Variants in TASP1 observed in about 807,000 individuals in gnomAD.
TASP1 encodes the protein threonine aspartase 1.
In TASP1, 16 loss-of-function variants were observed where a neutral mutation model predicts 56.6. That is an observed-to-expected ratio of 0.28 (90% CI 0.19 to 0.43). TASP1 has a LOEUF of 0.43. Ranked by LOEUF, TASP1 falls within the 20% of genes least tolerant of loss-of-function variation. The pLI, the probability that TASP1 is intolerant of heterozygous loss-of-function variation, is 1.00. For synonymous variants in TASP1, 179 were observed against 184.2 expected (o/e 0.97, Z 0.23); for missense variants, 393 against 511.6 (o/e 0.77, Z 2.24).
chr20:13,562,915 ATGTGTGTGTG>A (rs199844282), intron 7 of TASP1, among the ~76,000 whole-genome samples: 17 of 128,678 alleles, frequency 1.3e-4, no homozygotes, highest in African/African-American at 3.3e-4. Flanking sequence ...ACATATATAT[ATGTGTGTGTG>A]TGTGTGTGTG....
the TASP1 span, among the ~76,000 whole-genome samples, chr20:13,181,021 G>T: frequency 6.6e-6 from 1 of 152,164 alleles, no homozygotes; most frequent in Non-Finnish European, 1.5e-5. Flanking sequence ...CCACCTTGGA[G>T]GTTACCTGTA....
the TASP1 span, among the ~76,000 whole-genome samples, chr20:13,283,905 G>C: frequency 6.6e-6 from 1 of 152,096 alleles, no homozygotes; most frequent in Non-Finnish European, 1.5e-5. Context: ...CCACGTAAGA[G>C]CGTATCTTAA....
the TASP1 span, among the ~76,000 whole-genome samples, chr20:13,309,747 A>G: frequency 2.6e-5 from 4 of 152,208 alleles, no homozygotes; most frequent in Non-Finnish European, 5.9e-5. Context: ...AATTCAGTAA[A>G]GTCATAGGAT....
intron 11 of TASP1, among the ~76,000 whole-genome samples, chr20:13,443,955 C>T (rs925293569): frequency 6.6e-6 from 1 of 152,180 alleles, no homozygotes; most frequent in Non-Finnish European, 1.5e-5. Context: ...GTCCACAACA[C>T]ACAAATGGAC....
intron 13 of TASP1, among the ~76,000 whole-genome samples, chr20:13,401,388 C>T (rs2041732985): frequency 6.6e-6 from 1 of 152,120 alleles, no homozygotes. Context: ...TACCCTAAAG[C>T]TCAACATGCA....
the TASP1 span, among the ~76,000 whole-genome samples, chr20:13,157,630 T>C: frequency 6.6e-6 from 1 of 152,040 alleles, no homozygotes; most frequent in African/African-American, 2.4e-5. Context: ...AATGTCATCA[T>C]TGGTGATTCA....
chr20:13,631,712 T>G (rs1247048780), intron 1 of TASP1, among the ~76,000 whole-genome samples: 2 of 152,228 alleles, frequency 1.3e-5, no homozygotes, highest in Non-Finnish European at 2.9e-5. Context: ...TCAAGCAACT[T>G]TGAATCACTG....
At chr20:13,435,991 T>C (rs1010180743) in intron 11 of TASP1, among the ~76,000 whole-genome samples, 3 of 152,084 alleles carry the variant, frequency 2.0e-5, no homozygotes, top group African/African-American at 7.2e-5. Flanking sequence ...AAAGAAGCCA[T>C]AGCCCAATAA....
At chr20:13,412,568 A>G (rs906069142) in intron 13 of TASP1, among the ~76,000 whole-genome samples, 4 of 152,150 alleles carry the variant, frequency 2.6e-5, no homozygotes, top group African/African-American at 9.7e-5. Context: ...CCTTGTGTAC[A>G]TCATGTTTTA....
intron 13 of TASP1, among the ~76,000 whole-genome samples, chr20:13,398,617 T>A (rs2041630751): frequency 6.6e-6 from 1 of 152,234 alleles, no homozygotes; most frequent in South Asian, 2.1e-4. Flanking sequence ...ACTTTCCTTT[T>A]ATTTTACTCC....
chr20:13,458,504 T>C (rs1041582148), intron 11 of TASP1, among the ~76,000 whole-genome samples: 4 of 151,842 alleles, frequency 2.6e-5, no homozygotes, highest in Admixed American at 6.6e-5. Context: ...CCCCCCACCA[T>C]GCCCAGCTAA....
chr20:13,247,517 G>GGTGTGTGTGT, the TASP1 span, among the ~76,000 whole-genome samples: 28 of 139,912 alleles, frequency 2.0e-4, no homozygotes, highest in African/African-American at 5.6e-4. Context: ...CAAAGTGAGG[G>GGTGTGTGTGT]GTGTGTGTGT....
At chr20:13,163,021 AT>A in the TASP1 span, among the ~76,000 whole-genome samples, 13 of 152,186 alleles carry the variant, frequency 8.5e-5, no homozygotes, top group Non-Finnish European at 1.6e-4. Context: ...ATACCAATAT[AT>A]TACGTACATT....
At chr20:13,246,601 C>T in the TASP1 span, among the ~76,000 whole-genome samples, 5 of 152,174 alleles carry the variant, frequency 3.3e-5, no homozygotes, top group East Asian at 1.9e-4. Context: ...AGAGCAGATA[C>T]GTGTTTTTTC....
At chr20:13,282,580 T>C in the TASP1 span, among the ~76,000 whole-genome samples, 1 of 152,202 alleles carries the variant, frequency 6.6e-6, no homozygotes, top group African/African-American at 2.4e-5. Context: ...TAGAGTACCA[T>C]TGAGCTCCTC....
chr20:13,504,693 T>A (rs1470798815), intron 10 of TASP1, among the ~76,000 whole-genome samples: 1 of 152,124 alleles, frequency 6.6e-6, no homozygotes, highest in Non-Finnish European at 1.5e-5. Flanking sequence ...TAAAAAGATG[T>A]AAATTGTGGT....
At chr20:13,622,408 A>G (rs2147524902) in intron 4 of TASP1, among the ~76,000 whole-genome samples, 1 of 152,324 alleles carries the variant, frequency 6.6e-6, no homozygotes, top group Admixed American at 6.5e-5. Context: ...TGCCCACCAT[A>G]TACTTTCACC....
intron 7 of TASP1, among the ~76,000 whole-genome samples, chr20:13,568,451 C>A (rs1439627141): frequency 2.6e-5 from 4 of 151,946 alleles, no homozygotes; most frequent in Admixed American, 6.6e-5. Flanking sequence ...ATATTTCTTT[C>A]TCATTTTATG....
At chr20:13,375,465 T>C in the TASP1 span, among the ~76,000 whole-genome samples, 12 of 152,264 alleles carry the variant, frequency 7.9e-5, no homozygotes, top group East Asian at 3.8e-4. Context: ...TGCCACATTT[T>C]CTTTATCCAG....
Sources: allele counts gnomAD v4.1 joint callset (sites outside exome capture counted in the v4.1 genomes callset), GRCh38; gene constraint gnomAD v4.1.1; transcripts MANE v1.5; gene names NCBI Gene and HGNC (gene_info 2026-07-23, HGNC 2026-07-21).